Variants in TMEM63C observed in about 807,000 individuals in gnomAD.
TMEM63C encodes the protein osmosensitive cation channel TMEM63C.
Under a neutral mutation model 99.2 loss-of-function variants are expected in TMEM63C, and 32 were observed. The ratio of observed to expected loss-of-function variants is 0.32; its 90% CI spans 0.24 to 0.43. TMEM63C has a LOEUF of 0.43. Among genes scored for constraint, TMEM63C ranks in the 20% least tolerant of loss-of-function variants. The probability of loss-of-function intolerance (pLI) is 1.00; values close to 1 mark genes in which losing one functional copy is unlikely to be tolerated. For synonymous variants in TMEM63C, 376 were observed against 397.9 expected, an observed-to-expected ratio of 0.94 and a Z score of 0.66; for missense variants, 826 against 1,053.0, an observed-to-expected ratio of 0.78 and a Z score of 2.98.
chr14:77,243,630 C>A (rs1889218746), intron 15 of TMEM63C, among the ~76,000 whole-genome samples: 1 of 152,142 alleles, frequency 6.6e-6, no homozygotes, highest in South Asian at 2.1e-4. Context: ...GGGATGCCTC[C>A]TGCTGATGGT....
Position 77,231,667 on chromosome 14 carries a change from C to T in TMEM63C, c.430C>T (p.Leu144Phe), listed in dbSNP as rs940953594. Residue 144 changes from leucine (L) to phenylalanine (F), a missense_variant, in exon 7 of 24, where the codon CTC becomes TTC. By Grantham distance (22) the Leu-to-Phe change is conservative. Transcript: ENST00000298351. ...CCAGTACCACCTCATCATCTTTGTG[C>T]TCATCATCTGTATCCCCTCCCTGGG... ...VFQYHLIIFV[L>F]IICIPSLGII... 87 of 1,551,572 alleles carry T rather than the reference C, an allele frequency of 5.6e-5. No individual in the cohort carries two copies. The highest frequency in any genetic ancestry group is 7.2e-5 in the Non-Finnish European group (83 of 1,147,004).
At chr14:77,229,970 C>A (rs1888906651) in intron 6 of TMEM63C, among the ~76,000 whole-genome samples, 1 of 151,990 alleles carries the variant, frequency 6.6e-6, no homozygotes, top group Admixed American at 6.6e-5. Flanking sequence ...GAGGCCGAGG[C>A]AGGCGGATCC....
At chr14:77,191,273 G>A (rs1888099451) in intron 1 of TMEM63C, among the ~76,000 whole-genome samples, 1 of 152,068 alleles carries the variant, frequency 6.6e-6, no homozygotes, top group Non-Finnish European at 1.5e-5. Flanking sequence ...TTCACAGACT[G>A]ATAAACAAAG....
At position 77,226,747 on chromosome 14, in the gene TMEM63C, G is replaced by A. The variant is rs1323702922; in HGVS notation, c.350+1286G>A. Among the ~76,000 whole-genome samples the A allele has an allele frequency of 2.0e-5, 3 of 149,324 alleles. No homozygotes were observed. In the Admixed American group the frequency reaches 2.1e-4, roughly 10 times the overall value. On this transcript the variant is annotated intron_variant, in intron 6 of 23. Transcript: ENST00000298351. ...TGTGGCGGGGGAGGGTAAAAGATTG[G>A]GCTGGAAGGATCAGTTGGGATTTTT...
At position 77,218,269 on chromosome 14, in the gene TMEM63C, A is replaced by G. The variant is rs181464757; in HGVS notation, c.-13-532A>G. On this transcript the variant is annotated intron_variant, in intron 2 of 23. Coordinates refer to ENST00000298351, the MANE Select transcript of TMEM63C (RefSeq NM_020431.4). ...GGGGGTGTTTCTTGAGTCACTGCAC[A>G]TGCCAGGCACTGCATTCCCTAGGAG... Among the ~76,000 whole-genome samples the G allele has an allele frequency of 7.3e-5, 11 of 150,908 alleles. No individual in the cohort carries two copies. In the East Asian group the frequency reaches 2.0e-3, roughly 27 times the overall value.
intron 22 of TMEM63C, 104 bp downstream of exon 22, chr14:77,252,002 G>A (rs963584627): frequency 8.4e-6 from 8 of 946,812 alleles, no homozygotes; most frequent in Non-Finnish European, 1.2e-5. Context: ...CAGGATGAAA[G>A]GGTCTCGCCT....
intron 14 of TMEM63C, among the ~76,000 whole-genome samples, 147 bp from the exon 15 acceptor site, chr14:77,242,751 GACGGT>G (rs372322494): frequency 5.8e-4 from 89 of 152,296 alleles, no homozygotes; most frequent in African/African-American, 2.1e-3. Flanking sequence ...TGTGACAGGG[GACGGT>G]CCAGGGTCCT....
At chr14:77,243,081 C>A (rs1889208195) in intron 15 of TMEM63C, 25 bp downstream of exon 15, 1 of 1,612,252 alleles carries the variant, frequency 6.2e-7, no homozygotes, top group South Asian at 1.1e-5. Context: ...CAGGCCAGGC[C>A]TGGGGACCCC....
intron 1 of TMEM63C, among the ~76,000 whole-genome samples, chr14:77,204,295 T>G (rs1024332532): frequency 6.6e-6 from 1 of 152,184 alleles, no homozygotes; most frequent in Non-Finnish European, 1.5e-5. Flanking sequence ...TCTGAGATTT[T>G]GCCATGATAG....
Position 77,256,956 on chromosome 14 carries a change from G to A in TMEM63C, c.*230G>A. On this transcript the variant is annotated 3_prime_UTR_variant, in exon 24 of 24. Coordinates refer to ENST00000298351, the MANE Select transcript of TMEM63C (RefSeq NM_020431.4). Reference sequence around the variant, plus strand: ...GAAGGAGCCTGGGAAGGGATGGGAGGATACAGGCAAGCACATGTCTTGAGA... The same window carrying A: ...GAAGGAGCCTGGGAAGGGATGGGAGAATACAGGCAAGCACATGTCTTGAGA... 1.8e-6 allele frequency: 1 copy of A among 557,840 alleles called. No individual in the cohort carries two copies. The highest frequency in any genetic ancestry group is 2.3e-5 in the South Asian group (1 of 44,430). 34.6% of individuals were successfully genotyped at this position (557,840 alleles called of 1,614,324 possible).
At chr14:77,206,890 TA>T (rs11349001) in intron 1 of TMEM63C, among the ~76,000 whole-genome samples, 10,328 of 142,464 alleles carry the variant, frequency 0.072, 1,184 homozygotes, top group African/African-American at 0.28. Context: ...TTTTTTCTTT[TA>T]TTTTTTTTTA....
intron 4 of TMEM63C, 46 bp downstream of exon 4, chr14:77,219,623 A>C: frequency 6.3e-7 from 1 of 1,599,154 alleles, no homozygotes; most frequent in South Asian, 1.1e-5. Flanking sequence ...CTTGGGGAAA[A>C]CCTGTTGCCA....
At chr14:77,216,833 C>G (rs1269631089) in intron 2 of TMEM63C, among the ~76,000 whole-genome samples, 1 of 152,180 alleles carries the variant, frequency 6.6e-6, no homozygotes, top group South Asian at 2.1e-4. Flanking sequence ...TCCGCATCTA[C>G]TTCTCCACTT....
chr14:77,205,547 A>C (rs1888381936), intron 1 of TMEM63C, among the ~76,000 whole-genome samples: 1 of 152,244 alleles, frequency 6.6e-6, no homozygotes, highest in Admixed American at 6.5e-5. Flanking sequence ...TGTACCCAGA[A>C]GGCTCCCTGA....
chr14:77,210,052 C>G (rs1410614900), intron 1 of TMEM63C, among the ~76,000 whole-genome samples: 1 of 152,132 alleles, frequency 6.6e-6, no homozygotes, highest in Non-Finnish European at 1.5e-5. Context: ...ATCCTTTATC[C>G]CCAAATCTCT....
At chr14:77,196,339 T>C (rs76236987) in intron 1 of TMEM63C, 4,112 of 152,438 alleles carry the variant, frequency 0.027, 155 homozygotes, top group African/African-American at 0.094. Context: ...GGCCTGCAGC[T>C]CTCTAGCCAG....
chr14:77,200,705 C>T (rs1888284848), intron 1 of TMEM63C, among the ~76,000 whole-genome samples: 1 of 152,248 alleles, frequency 6.6e-6, no homozygotes, highest in Admixed American at 6.5e-5. Context: ...TCTTGTCCTG[C>T]CCCCGCTCCC....
chr14:77,227,369 A>C (rs1888846669), intron 6 of TMEM63C, among the ~76,000 whole-genome samples: 1 of 152,152 alleles, frequency 6.6e-6, no homozygotes, highest in Admixed American at 6.5e-5. Flanking sequence ...CTAGTTAAGA[A>C]AGAGGGAGAA....
intron 1 of TMEM63C, among the ~76,000 whole-genome samples, chr14:77,205,104 T>C (rs1477299730): frequency 6.6e-6 from 1 of 152,112 alleles, no homozygotes; most frequent in African/African-American, 2.4e-5. Context: ...GGGACTGGCA[T>C]ATGCAAAGGC....
Sources: allele counts gnomAD v4.1 joint callset (sites outside exome capture counted in the v4.1 genomes callset), GRCh38; gene constraint gnomAD v4.1.1; transcripts MANE v1.5; gene names NCBI Gene and HGNC (gene_info 2026-07-23, HGNC 2026-07-21).